The following P3H2 variants were observed in gnomAD, a reference collection of about 807,000 sequenced individuals.
The protein encoded by P3H2 is leprecan-like 1.
P3H2 carries 80 observed loss-of-function variants against 87.0 expected under a neutral mutation model. The ratio of observed to expected loss-of-function variants is 0.92; its 90% confidence interval spans 0.77 to 1.11. The LOEUF is 1.11. P3H2 is among the 50% of genes least tolerant of loss of function. The probability of loss-of-function intolerance (pLI) is 0.00; values close to 1 mark genes in which losing one functional copy is unlikely to be tolerated. For synonymous variants in P3H2, 367 were observed against 359.3 expected, an observed-to-expected ratio of 1.02 and a Z score of -0.24; for missense variants, 1,001 against 923.9, an observed-to-expected ratio of 1.08 and a Z score of -1.08.
rs186470304 is a variant in P3H2 at position 190,047,363 on chromosome 3, C to G, written c.481-51921G>C. 1.1e-3 allele frequency among the ~76,000 whole-genome samples: 165 copies of G among 152,290 alleles called. 2 individuals carry two copies. Among genetic ancestry groups the G allele is most frequent in the Non-Finnish European group, 1.5e-3 (104 of 68,018 alleles). Reference sequence around the variant, plus strand: ...ACTAAAAGTAGAATTACCATAAGATCTAGCAACCGCACTGCTGAGTATATA... The same window carrying G: ...ACTAAAAGTAGAATTACCATAAGATGTAGCAACCGCACTGCTGAGTATATA... On this transcript the variant is annotated intron_variant, in intron 1 of 14. Transcript: ENST00000319332.
At chr3:190,046,405 T>C (rs916147262) in intron 1 of P3H2, among the ~76,000 whole-genome samples, 6 of 152,180 alleles carry the variant, frequency 3.9e-5, no homozygotes, top group Non-Finnish European at 8.8e-5. Flanking sequence ...TTCAATTACG[T>C]GGAAGATGAA....
At chr3:190,080,283 A>G (rs1261193569) in intron 1 of P3H2, among the ~76,000 whole-genome samples, 3 of 152,232 alleles carry the variant, frequency 2.0e-5, no homozygotes, top group African/African-American at 7.2e-5. Context: ...CTACAGAGTA[A>G]GCCAGGCTTT....
At chr3:189,982,596 C>T (rs1698519714) in intron 8 of P3H2, among the ~76,000 whole-genome samples, 1 of 152,146 alleles carries the variant, frequency 6.6e-6, no homozygotes, top group Non-Finnish European at 1.5e-5. Context: ...TCTAAAGGCC[C>T]TGCTCAGATC....
chr3:190,016,362 A>C (rs935878364), intron 1 of P3H2, among the ~76,000 whole-genome samples: 2 of 150,656 alleles, frequency 1.3e-5, no homozygotes, highest in African/African-American at 2.5e-5. Flanking sequence ...TCCTGCCTCA[A>C]CCTCCCAGGT....
rs1723118845 is a variant in P3H2, at chr3:189,969,903, A to T, written c.1893+913T>A. The T allele has an allele frequency of 3.3e-6, 3 of 915,230 alleles. No individual in the cohort carries two copies. In the South Asian group the frequency reaches 3.9e-5, roughly 12 times the overall value. 56.7% of individuals were successfully genotyped at this position (915,230 alleles called of 1,614,324 possible). A position where few individuals can be genotyped will look rare whatever the true frequency, so the allele number is the denominator to read the frequency against. ...AAGCTGCAGTGGGCGAGCACTCGGG[A>T]CTAAGGGAATGAAGTGGGCCAAAGA... is the stretch of plus-strand genomic sequence containing the variant. On this transcript the variant is annotated intron_variant, in intron 13 of 14. Coordinates refer to ENST00000319332, the MANE Select transcript of P3H2 (RefSeq NM_018192.4).
chr3:190,038,980 G>A (rs991934902), intron 1 of P3H2, among the ~76,000 whole-genome samples: 3 of 152,036 alleles, frequency 2.0e-5, no homozygotes, highest in Admixed American at 6.5e-5. Context: ...ACCTGAGGTC[G>A]CGAGTTCAAG....
intron 9 of P3H2, 74 bp downstream of exon 9, chr3:189,974,484 A>G (rs772120638): frequency 6.3e-7 from 1 of 1,591,190 alleles, no homozygotes; most frequent in Non-Finnish European, 8.6e-7. Context: ...GCTCCAGATG[A>G]GACCAGGACC....
chr3:190,105,019 T>C (rs1711775525), intron 1 of P3H2, among the ~76,000 whole-genome samples: 1 of 152,214 alleles, frequency 6.6e-6, no homozygotes. Flanking sequence ...TATGCCTTTT[T>C]CAATGAAAAA....
intron 1 of P3H2, among the ~76,000 whole-genome samples, chr3:190,066,916 C>T (rs952068187): frequency 2.6e-5 from 4 of 152,062 alleles, no homozygotes; most frequent in Non-Finnish European, 5.9e-5. Flanking sequence ...GCTCAAATGC[C>T]ACTTCCTGGG....
chr3:189,976,364 G>C (rs1723348640), intron 8 of P3H2, among the ~76,000 whole-genome samples: 1 of 152,204 alleles, frequency 6.6e-6, no homozygotes, highest in Non-Finnish European at 1.5e-5. Flanking sequence ...TCACAATCAT[G>C]GTGGAAGGCA....
At chr3:190,048,344 A>G (rs1470631131) in intron 1 of P3H2, among the ~76,000 whole-genome samples, 1 of 152,074 alleles carries the variant, frequency 6.6e-6, no homozygotes, top group East Asian at 1.9e-4. Context: ...AAAAAATACA[A>G]AAGTTATCTG....
chr3:189,961,468 G>T (rs1412998588), intron 14 of P3H2, among the ~76,000 whole-genome samples: 1 of 151,954 alleles, frequency 6.6e-6, no homozygotes, highest in African/African-American at 2.4e-5. Context: ...CATGAGAATC[G>T]GCCAGCTCTA....
intron 1 of P3H2, among the ~76,000 whole-genome samples, chr3:189,998,436 A>G (rs1724114064): frequency 6.6e-6 from 1 of 152,174 alleles, no homozygotes; most frequent in South Asian, 2.1e-4. Flanking sequence ...CATGTCCTAT[A>G]AGGCCAAGCT....
chr3:189,990,073 A>ATT (rs755364338), intron 3 of P3H2, among the ~76,000 whole-genome samples: 43,479 of 151,608 alleles, frequency 0.29, 6,661 homozygotes, highest in East Asian at 0.48. Context: ...CTTTTTTTCA[A>ATT]AAGGTTCTCT....
In P3H2 at chr3:190,071,788, T is replaced by C. The variant is rs149326254; in HGVS notation, c.480+48464A>G. On this transcript the variant is annotated intron_variant, in intron 1 of 14. Transcript: ENST00000319332. ...AGTCTGTTGATCTCAGCTATGATTA[T>C]AGGTGATCAATAATTGAAAGGACAA... 7.2e-4 allele frequency among the ~76,000 whole-genome samples: 109 copies of C among 152,232 alleles called. 1 individual carries two copies. The highest frequency in any genetic ancestry group is 1.5e-3 in the African/African-American group (62 of 41,552).
At chr3:189,993,064 C>T (rs893690805) in intron 3 of P3H2, among the ~76,000 whole-genome samples, 3 of 151,984 alleles carry the variant, frequency 2.0e-5, no homozygotes, top group East Asian at 1.9e-4. Context: ...GGCTCACGCC[C>T]GTAATCCCAG....
At chr3:190,111,017 T>A (rs1712049734) in intron 1 of P3H2, among the ~76,000 whole-genome samples, 1 of 152,226 alleles carries the variant, frequency 6.6e-6, no homozygotes, top group Non-Finnish European at 1.5e-5. Context: ...CCTGCACTTC[T>A]AGAAATTCTG....
intron 1 of P3H2, among the ~76,000 whole-genome samples, chr3:190,052,137 T>C (rs1261991429): frequency 6.6e-6 from 1 of 152,192 alleles, no homozygotes; most frequent in Non-Finnish European, 1.5e-5. Flanking sequence ...GATTGTTACA[T>C]AGGTATACAT....
At chr3:190,074,952 G>T (rs1053252334) in intron 1 of P3H2, among the ~76,000 whole-genome samples, 2 of 152,188 alleles carry the variant, frequency 1.3e-5, no homozygotes, top group East Asian at 3.8e-4. Context: ...AGTCAGAGGG[G>T]ATTTGCTCTC....
Sources: gnomAD v4.1 joint callset for allele counts (sites outside exome capture counted in the v4.1 genomes callset) on GRCh38, gnomAD v4.1.1 for gene constraint, MANE v1.5 for transcripts, NCBI Gene and HGNC (gene_info 2026-07-23, HGNC 2026-07-21) for gene names.